Variants in ANK2 observed in about 807,000 individuals in gnomAD.
ANK2 encodes the protein ankyrin 2.
Under a neutral mutation model 360.5 loss-of-function variants are expected in ANK2, and 83 were observed. The ratio of observed to expected loss-of-function variants is 0.23; its 90% CI spans 0.19 to 0.28. The LOEUF (loss-of-function observed/expected upper bound fraction) is 0.28. ANK2 is among the 10% of genes least tolerant of loss of function. ANK2 has a pLI of 1.00. For missense variants in ANK2, 4,201 were observed against 4,795.7 expected (o/e 0.88, Z 3.66); for synonymous variants, 1,740 against 1,759.5 (o/e 0.99, Z 0.28).
intron 1 of ANK2, among the ~76,000 whole-genome samples, chr4:113,113,368 G>A (rs1395856901): frequency 6.6e-6 from 1 of 152,168 alleles, no homozygotes; most frequent in Non-Finnish European, 1.5e-5. Context: ...CATGTGGCTA[G>A]CTCAGTTGTT....
the ANK2 span, among the ~76,000 whole-genome samples, chr4:112,808,651 A>G: frequency 2.0e-5 from 3 of 152,176 alleles, no homozygotes; most frequent in East Asian, 3.8e-4. Flanking sequence ...GCAAATTCCA[A>G]AAATCACCTA....
intron 1 of ANK2, among the ~76,000 whole-genome samples, chr4:113,050,415 G>A (rs1438731231): frequency 2.0e-5 from 3 of 152,142 alleles, no homozygotes; most frequent in African/African-American, 7.2e-5. Context: ...AGCTAAAGAT[G>A]TTATGGGGTG....
chr4:112,714,829 A>G, the ANK2 span, among the ~76,000 whole-genome samples: 3 of 152,226 alleles, frequency 2.0e-5, no homozygotes, highest in East Asian at 1.9e-4. Flanking sequence ...AGATTATGGT[A>G]TATTAAGGAG....
At chr4:113,117,189 G>A in intron 1 of ANK2, 2 of 408,942 alleles carry the variant, frequency 4.9e-6, no homozygotes, top group Non-Finnish European at 9.7e-6. Flanking sequence ...CCATTGCCCT[G>A]GTGGGGAAAA....
the ANK2 span, among the ~76,000 whole-genome samples, chr4:112,756,796 A>G: frequency 6.6e-6 from 1 of 152,144 alleles, no homozygotes; most frequent in East Asian, 1.9e-4. Context: ...AACATAGTAC[A>G]ACCCCATCTC....
chr4:113,353,241 T>G lies in ANK2; in HGVS notation c.4623T>G (p.Ala1541=). 6.2e-7 allele frequency: 1 copy of G among 1,614,036 alleles called. No individual in the cohort carries two copies. The highest frequency in any genetic ancestry group is 8.5e-7 in the Non-Finnish European group (1 of 1,179,956). The change falls in exon 38 of 46, where the codon GCT becomes GCG. Residue 1541 remains alanine, a synonymous_variant. Coordinates refer to ENST00000357077, the MANE Select transcript of ANK2 (RefSeq NM_001148.6). The stretch of plus-strand genomic sequence containing the variant: ...AAGTGAAGGAGCTGGTGAAGGCTGC[T>G]GAGGAAGAGCCAGGAGAGCCTTTTG... ...SIKVKELVKA[A]EEEPGEPFEI... is the part of the protein sequence containing the mutation.
At chr4:113,373,640 T>C (rs1226969049) in intron 45 of ANK2, 191 bp downstream of exon 45, 1 of 770,498 alleles carries the variant, frequency 1.3e-6, no homozygotes, top group Non-Finnish European at 2.4e-6. Context: ...CAGGGAGACT[T>C]GTAGGCATTA....
At position 113,261,438 on chromosome 4, in the gene ANK2, C is replaced by T. The variant is rs368938821; in HGVS notation, c.1386+3027C>T. On this transcript the variant is annotated intron_variant, in intron 13 of 45. Transcript: ENST00000357077. ...CATTATATTATGCTTAAAAATTTCCCCGAATCCTTAAATTTCATTAGCTTG... is the reference window on the plus strand; with the variant it reads ...CATTATATTATGCTTAAAAATTTCCTCGAATCCTTAAATTTCATTAGCTTG... Among the ~76,000 whole-genome samples, 5 of 152,036 alleles carry T rather than the reference C, an allele frequency of 3.3e-5. No individual in the cohort carries two copies. In the East Asian group the frequency reaches 9.6e-4, roughly 29 times the overall value.
At chr4:113,349,931 TG>T (rs1483438487) in intron 36 of ANK2, among the ~76,000 whole-genome samples, 8 of 152,154 alleles carry the variant, frequency 5.3e-5, no homozygotes, top group Non-Finnish European at 1.2e-4. Flanking sequence ...CTTTTTCTGA[TG>T]TATTCCCTAA....
chr4:113,052,746 C>T (rs1207087119), intron 1 of ANK2, among the ~76,000 whole-genome samples: 1 of 152,090 alleles, frequency 6.6e-6, no homozygotes, highest in Non-Finnish European at 1.5e-5. Flanking sequence ...TGACTCATTG[C>T]CGCGAGGAGG....
intron 1 of ANK2, among the ~76,000 whole-genome samples, chr4:112,898,731 T>C (rs2082426324): frequency 1.3e-5 from 2 of 152,254 alleles, no homozygotes; most frequent in African/African-American, 2.4e-5. Flanking sequence ...AGAGTTCATT[T>C]TCTTCTTTCT....
chr4:113,280,893 T>C (rs2062038335), intron 17 of ANK2, among the ~76,000 whole-genome samples: 1 of 152,176 alleles, frequency 6.6e-6, no homozygotes, highest in South Asian at 2.1e-4. Flanking sequence ...AAGAAACACA[T>C]TGTAGCAAAA....
chr4:113,033,436 T>A (rs932177783), intron 2 of ANK2, among the ~76,000 whole-genome samples: 11 of 151,288 alleles, frequency 7.3e-5, no homozygotes, highest in Admixed American at 6.6e-4. Context: ...GGAAAAGTGC[T>A]CTTTAAGGAA....
At chr4:113,172,649 G>A (rs982243758) in intron 1 of ANK2, among the ~76,000 whole-genome samples, 2 of 152,016 alleles carry the variant, frequency 1.3e-5, no homozygotes, top group African/African-American at 4.8e-5. Context: ...GTACTTTCTA[G>A]GAACAACCTC....
chr4:112,719,840 C>T, the ANK2 span, among the ~76,000 whole-genome samples: 1 of 151,798 alleles, frequency 6.6e-6, no homozygotes, highest in African/African-American at 2.4e-5. Flanking sequence ...GAGCTTGCAA[C>T]CTAAGATAGA....
chr4:113,094,299 A>G (rs1293361849), intron 1 of ANK2, among the ~76,000 whole-genome samples: 1 of 152,240 alleles, frequency 6.6e-6, no homozygotes, highest in East Asian at 1.9e-4. Context: ...GTTATGCTTA[A>G]GCATCAGATT....
At chr4:113,187,085 A>G (rs201289290) in intron 2 of ANK2, among the ~76,000 whole-genome samples, 17 of 142,672 alleles carry the variant, frequency 1.2e-4, no homozygotes, top group Middle Eastern at 3.5e-3. Flanking sequence ...GTCATTACTT[A>G]AAAAAAAAAA....
chr4:113,307,815 A>G (rs1411102422), intron 23 of ANK2, among the ~76,000 whole-genome samples: 2 of 152,194 alleles, frequency 1.3e-5, no homozygotes, highest in African/African-American at 2.4e-5. Context: ...CAAAACATCA[A>G]TTGTACATAA....
intron 4 of ANK2, among the ~76,000 whole-genome samples, chr4:113,208,388 A>G (rs887127120): frequency 1.3e-5 from 2 of 152,060 alleles, no homozygotes; most frequent in Admixed American, 6.5e-5. Context: ...ATGATGGCCT[A>G]TGGGAGGAGA....
Sources: allele counts gnomAD v4.1 joint callset (sites outside exome capture counted in the v4.1 genomes callset), GRCh38; gene constraint gnomAD v4.1.1; transcripts MANE v1.5; gene names NCBI Gene and HGNC (gene_info 2026-07-23, HGNC 2026-07-21).